Variants in SCARF1 observed in about 807,000 individuals in gnomAD.
SCARF1 encodes scavenger receptor class F member 1, also known as acetyl LDL receptor.
A neutral mutation model predicts 76.3 loss-of-function variants in SCARF1; 49 were observed. The ratio of observed to expected loss-of-function variants is 0.64; its 90% CI spans 0.51 to 0.81. The LOEUF (loss-of-function observed/expected upper bound fraction) is 0.81, where lower values mean the gene tolerates loss of function less well. SCARF1 is among the 40% of genes least tolerant of loss of function. SCARF1 has a pLI of 0.00. For missense variants in SCARF1, 1,098 were observed against 1,143.9 expected (o/e 0.96, Z 0.58); for synonymous variants, 495 against 474.6 (o/e 1.04, Z -0.56).
Position 1,634,957 on chromosome 17 carries a change from G to T in SCARF1, c.2294C>A (p.Ala765Asp). The stretch of plus-strand genomic sequence containing the variant: ...TGGTCTGACTGCCATAGGCCCTGTG[G>T]CCCCAGGAAGCCCAGCTTTTGGGGC... Reference protein sequence around the residue: ...NSAPKAGLPGATGPMAVRPEE... With the variant: ...NSAPKAGLPGDTGPMAVRPEE... Residue 765 changes from alanine (A) to aspartate (D), a missense_variant, in exon 11 of 11, where the codon GCC (alanine) becomes GAC (aspartate). Physicochemically the swap from Ala to Asp is moderately radical, Grantham distance 126 (BLOSUM62 -2). Transcript: ENST00000263071. 2.5e-6 allele frequency: 4 copies of T among 1,613,200 alleles called. No individual in the cohort carries two copies. In the South Asian group the frequency reaches 4.4e-5, roughly 18 times the overall value.
At chr17:1,636,382 C>G (rs1909560909) in intron 10 of SCARF1, among the ~76,000 whole-genome samples, 1 of 152,168 alleles carries the variant, frequency 6.6e-6, no homozygotes, top group South Asian at 2.1e-4. Flanking sequence ...TGCCTGTAAT[C>G]CCAGCACTCT....
At position 1,635,520 on chromosome 17, in the gene SCARF1, C is replaced by T. The variant is rs768750101; in HGVS notation, c.1731G>A (p.Pro577=). 4 of 1,613,690 alleles carry T rather than the reference C, an allele frequency of 2.5e-6. No homozygotes were observed. The highest frequency in any genetic ancestry group is 1.7e-5 in the Admixed American group (1 of 60,008). ...TGGCCCGAGCTAGGCTGGAGGTGCG[C>T]GGGATGGCGAATGGCGTGGAGGCGT... ...PEDASTPFAI[P]RTSSLARAKR... is the part of the protein sequence containing the mutation. Residue 577 remains proline, a synonymous_variant, in exon 11 of 11, where the codon CCG becomes CCA. Transcript: ENST00000263071.
rs148329015 is a variant in SCARF1 at position 1,639,928 on chromosome 17, C to A, written c.1123G>T (p.Gly375Cys). 4 of 1,613,600 alleles carry A rather than the reference C, an allele frequency of 2.5e-6. No homozygotes were observed. In the Admixed American group the frequency reaches 6.7e-5, roughly 27 times the overall value. Reference sequence around the variant, plus strand: ...CATCCTTACCTGGGCCCCCAGTAGCCGGCACTGCAGACACAGTCCCCTGTC... The same window carrying A: ...CATCCTTACCTGGGCCCCCAGTAGCAGGCACTGCAGACACAGTCCCCTGTC... ...TVTGDCVCSA[G>C]YWGPSCNASC... is the part of the protein sequence containing the mutation. Residue 375 changes from glycine to cysteine, a missense_variant, in exon 6 of 11, where the codon GGC (glycine) becomes TGC (cysteine). By Grantham distance (159) the Gly-to-Cys change is radical. Transcript: ENST00000263071.
Position 1,644,553 on chromosome 17 carries a change from C to A in SCARF1, c.265+281G>T. 1.7e-6 allele frequency: 1 copy of A among 579,978 alleles called. No individual in the cohort carries two copies. The highest frequency in any genetic ancestry group is 3.1e-6 in the Non-Finnish European group (1 of 324,206). The allele number at this position is 579,978 out of a possible 1,614,324, so 35.9% of individuals were successfully genotyped here. A position where few individuals can be genotyped will look rare whatever the true frequency, so the allele number is the denominator to read the frequency against. On this transcript the variant is annotated intron_variant, in intron 3 of 10. Coordinates refer to ENST00000263071, the MANE Select transcript of SCARF1 (RefSeq NM_003693.4). The surrounding 1 kb of genome is among the most constrained non-coding windows in gnomAD (Gnocchi z 4.8). ...ATGTGGGAAAGGCAAGTAATACACT[C>A]ATTTTACAATGAAGGGGAATCACAG...
rs1277638121 is a variant in SCARF1 at position 1,637,076 on chromosome 17, G to GT, written c.1365-15dup. The GT allele has an allele frequency of 6.2e-7, 1 of 1,613,528 alleles. No homozygotes were observed. The highest frequency in any genetic ancestry group is 2.2e-5 in the East Asian group (1 of 44,860). ...TCTCTCGCTGGCCTGAGGGAGGAGG[G>GT]TAGGGACACTGGTCAGTACATGAGA... On this transcript the variant is annotated splice_polypyrimidine_tract_variant and intron_variant, in intron 8 of 10. Coordinates refer to ENST00000263071, the MANE Select transcript of SCARF1 (RefSeq NM_003693.4).
In SCARF1 at chr17:1,635,036, T is replaced by C. The variant is rs1296804304; in HGVS notation, c.2215A>G (p.Lys739Glu). ...GAGGCAAGGCCAGGGCTGCCCTTTT[T>C]CCGATTCAGGGCCTGGCGCGGAGGC... Reference protein sequence around the residue: ...PKPPRQALNRKKGSPGLASGS... With the variant: ...PKPPRQALNREKGSPGLASGS... The change falls in exon 11 of 11, where the codon AAA becomes GAA. Residue 739 changes from lysine to glutamate, a missense_variant. Lys to Glu is a moderately conservative substitution (Grantham distance 56). Transcript: ENST00000263071. 1.2e-6 allele frequency: 2 copies of C among 1,613,860 alleles called. No individual in the cohort carries two copies. The highest frequency in any genetic ancestry group is 2.2e-5 in the East Asian group (1 of 44,880).
rs371382517 is a variant in SCARF1 at position 1,635,372 on chromosome 17, G to A, written c.1879C>T (p.Pro627Ser). ...KRLSRGAQSG[P>S]EGREAEESTG... ...GACTCTTCGGCTTCCCGGCCCTCAG[G>A]ACCCGACTGCGCCCCCCGGGAGAGC... The change falls in exon 11 of 11, where the codon CCT (proline) becomes TCT (serine). Residue 627 changes from proline (P) to serine (S), a missense_variant. Coordinates refer to ENST00000263071, the MANE Select transcript of SCARF1 (RefSeq NM_003693.4). 5.6e-5 allele frequency: 91 copies of A among 1,613,360 alleles called. No homozygotes were observed. In the Middle Eastern group the frequency reaches 6.6e-4, roughly 12 times the overall value.
Position 1,644,872 on chromosome 17 carries a change from C to T in SCARF1, c.227G>A (p.Arg76Gln), listed in dbSNP as rs200821645. The T allele has an allele frequency of 2.7e-5, 43 of 1,613,522 alleles. No homozygotes were observed. The highest frequency in any genetic ancestry group is 3.4e-5 in the Non-Finnish European group (40 of 1,179,956). Residue 76 changes from arginine to glutamine, a missense_variant, in exon 3 of 11, where the codon CGA (arginine) becomes CAA (glutamine). Coordinates refer to ENST00000263071, the MANE Select transcript of SCARF1 (RefSeq NM_003693.4). This position sits in a 1 kb window ranked among gnomAD's most constrained non-coding sequence, Gnocchi z 4.8. ...DEVCVKPGLC[R>Q]CKPGFFGAHC... ...GGCCCCAAAGAATCCAGGCTTGCATCGACAGAGGCCCGGCTTCACACACAC... is the reference window on the plus strand; with the variant it reads ...GGCCCCAAAGAATCCAGGCTTGCATTGACAGAGGCCCGGCTTCACACACAC...
chr17:1,635,152 C>A lies in SCARF1; in HGVS notation c.2099G>T (p.Gly700Val), dbSNP rs771784314. The change falls in exon 11 of 11, where the codon GGA (glycine) becomes GTA (valine). Residue 700 changes from glycine (G) to valine (V), a missense_variant. Physicochemically the swap from Gly to Val is moderately radical, Grantham distance 109 (BLOSUM62 -3). Coordinates refer to ENST00000263071, the MANE Select transcript of SCARF1 (RefSeq NM_003693.4). Reference sequence around the variant, plus strand: ...GACAGAGCGGACAGGGCCTTCGGATCCGCGGGGCTTCCCTGCCAGCATGTA... The same window carrying A: ...GACAGAGCGGACAGGGCCTTCGGATACGCGGGGCTTCCCTGCCAGCATGTA... ...TIYMLAGKPRGSEGPVRSVFR... is the reference protein window; with the variant it reads ...TIYMLAGKPRVSEGPVRSVFR... 1.2e-6 allele frequency: 2 copies of A among 1,613,570 alleles called. No individual in the cohort carries two copies. The highest frequency in any genetic ancestry group is 1.7e-6 in the Non-Finnish European group (2 of 1,180,042).
At position 1,645,662 on chromosome 17, in the gene SCARF1, G is replaced by GAGCAGCAGCAGCGGGAGC. The variant is rs1555548723; in HGVS notation, c.18_35dup (p.Leu7_Leu12dup). ...CGGACCCCTGAGTCCCCCGAGTCCA[G>GAGCAGCAGCAGCGGGAGC]AGCAGCAGCAGCGGGAGCAGCAGCC... On this transcript the variant is annotated inframe_insertion, in exon 1 of 11. Coordinates refer to ENST00000263071, the MANE Select transcript of SCARF1 (RefSeq NM_003693.4). The surrounding 1 kb of genome is among the most constrained non-coding windows in gnomAD (Gnocchi z 6.3). 9.3e-6 allele frequency: 15 copies of GAGCAGCAGCAGCGGGAGC among 1,608,238 alleles called. No homozygotes were observed. The highest frequency in any genetic ancestry group is 6.7e-5 in the Admixed American group (4 of 59,814).
intron 10 of SCARF1, among the ~76,000 whole-genome samples, chr17:1,636,432 G>A (rs993551480): frequency 7.9e-5 from 12 of 152,034 alleles, no homozygotes; most frequent in Admixed American, 3.9e-4. Flanking sequence ...TGGCTAACAC[G>A]GTGAAACCCG....
chr17:1,634,537 A>G lies in SCARF1; in HGVS notation c.*221T>C. 1 of 476,404 alleles carries G rather than the reference A, an allele frequency of 2.1e-6. No individual in the cohort carries two copies. The highest frequency in any genetic ancestry group is 3.6e-6 in the Non-Finnish European group (1 of 277,232). 29.5% of individuals were successfully genotyped at this position (476,404 alleles called of 1,614,324 possible). A position where few individuals can be genotyped will look rare whatever the true frequency, so the allele number is the denominator to read the frequency against. ...AGGACAGCAGAGCAAAAGTCCCTGC[A>G]GGCAACCCTTCCTGACCCCATCCTA... On this transcript the variant is annotated 3_prime_UTR_variant, in exon 11 of 11. Coordinates refer to ENST00000263071, the MANE Select transcript of SCARF1 (RefSeq NM_003693.4).
chr17:1,643,553 CG>C lies in SCARF1; in HGVS notation c.679del (p.Arg227GlyfsTer140). The C allele has an allele frequency of 6.9e-7, 1 of 1,454,614 alleles. No individual in the cohort carries two copies. The highest frequency in any genetic ancestry group is 2.6e-5 in the Admixed American group (1 of 39,078). 90.1% of individuals were successfully genotyped at this position (1,454,614 alleles called of 1,614,324 possible). On this transcript the variant is annotated frameshift_variant, in exon 4 of 11. Transcript: ENST00000263071. LOFTEE classifies it high-confidence loss of function. ...PECQQQCECV[R>X]GRCSAASGEC... is the part of the protein sequence containing the mutation. Reference sequence around the variant, plus strand: ...GCCGGAGGCGGCGCTGCAGCGGCCCCGCACACACTCGCACTGCTGCTGGCAT... The same window carrying C: ...GCCGGAGGCGGCGCTGCAGCGGCCCCCACACACTCGCACTGCTGCTGGCAT...
chr17:1,639,785 T>G, intron 6 of SCARF1, 43 bp from the exon 7 acceptor site: 2 of 1,605,180 alleles, frequency 1.2e-6, no homozygotes, highest in Non-Finnish European at 8.5e-7. Context: ...CTGGGTGAAG[T>G]GGGGGAGGCA....
intron 10 of SCARF1, among the ~76,000 whole-genome samples, chr17:1,636,007 C>T (rs2151093361): frequency 6.6e-6 from 1 of 152,190 alleles, no homozygotes. Context: ...GGCACACAGC[C>T]ACATCCCTCT....
Position 1,640,146 on chromosome 17 carries a change from GC to G in SCARF1, c.1011-107del. ...GCTCCTGGACTCAAGGACCCAACTG[GC>G]CACTCCTCAGCAGTGAAGCTCAGGT... On this transcript the variant is annotated intron_variant, in intron 5 of 10. Transcript: ENST00000263071. This position sits in a 1 kb window ranked among gnomAD's most constrained non-coding sequence, Gnocchi z 4.7. The G allele has an allele frequency of 7.3e-7, 1 of 1,363,204 alleles. No individual in the cohort carries two copies. Among genetic ancestry groups the G allele is most frequent in the Non-Finnish European group, 1.0e-6 (1 of 998,192 alleles). The allele number at this position is 1,363,204 out of a possible 1,614,324, so 84.4% of individuals were successfully genotyped here. A position where few individuals can be genotyped will look rare whatever the true frequency, so the allele number is the denominator to read the frequency against.
In SCARF1 at chr17:1,643,493, C is replaced by T; in HGVS notation, c.740G>A (p.Arg247His). Residue 247 changes from arginine to histidine, a missense_variant, in exon 4 of 11, where the codon CGC becomes CAC. Transcript: ENST00000263071. Reference protein sequence around the residue: ...CTCPPGFRGARCELPCPAGSH... With the variant: ...CTCPPGFRGAHCELPCPAGSH... ...GCCTGCCGGGCAGGGCAGCTCGCAG[C>T]GCGCTCCGCGGAAGCCGGGCGGGCA... 7.5e-7 allele frequency: 1 copy of T among 1,336,294 alleles called. No individual in the cohort carries two copies. The highest frequency in any genetic ancestry group is 9.5e-7 in the Non-Finnish European group (1 of 1,050,948). 82.8% of individuals were successfully genotyped at this position (1,336,294 alleles called of 1,614,324 possible). A position where few individuals can be genotyped will look rare whatever the true frequency, so the allele number is the denominator to read the frequency against.
In SCARF1 at chr17:1,635,090, C is replaced by G; in HGVS notation, c.2161G>C (p.Glu721Gln). The stretch of plus-strand genomic sequence containing the variant: ...GGGATGGCCCTCTTGACCTTGGCTT[C>G]CGCCTGGCCTTTCTGGAAGCTACCA... ...HFGSFQKGQA[E>Q]AKVKRAIPKP... Residue 721 changes from glutamate to glutamine, a missense_variant, in exon 11 of 11, where the codon GAA becomes CAA. Glu to Gln is a conservative substitution (Grantham distance 29). Transcript: ENST00000263071. The G allele has an allele frequency of 6.2e-7, 1 of 1,613,986 alleles. No individual in the cohort carries two copies. The highest frequency in any genetic ancestry group is 2.2e-5 in the East Asian group (1 of 44,878).
At chr17:1,639,605 G>A in intron 7 of SCARF1, 34 bp downstream of exon 7, 1 of 1,492,474 alleles carries the variant, frequency 6.7e-7, no homozygotes. Context: ...GCCTTTCCCT[G>A]GCTACTGCAC....
Sources: allele counts gnomAD v4.1 joint callset (sites outside exome capture counted in the v4.1 genomes callset), GRCh38; gene constraint gnomAD v4.1.1; non-coding constraint Gnocchi (gnomAD v3.1); transcripts MANE v1.5; gene names NCBI Gene and HGNC (gene_info 2026-07-23, HGNC 2026-07-21).